Variants in TM4SF19 observed in about 807,000 individuals in gnomAD.
TM4SF19 encodes transmembrane 4 L six family member 19.
TM4SF19 carries 17 observed loss-of-function variants against 21.8 expected under a neutral mutation model. The ratio of observed to expected loss-of-function variants is 0.78; its 90% CI spans 0.53 to 1.17. The LOEUF is 1.17. Ranked by LOEUF, TM4SF19 falls within the 50% of genes most tolerant of loss-of-function variation. TM4SF19 has a pLI of 0.00. For synonymous variants in TM4SF19, 107 were observed against 106.7 expected (o/e 1.00, Z -0.02); for missense variants, 216 against 252.1 (o/e 0.86, Z 0.97).
intron 4 of TM4SF19, 22 bp downstream of exon 4, chr3:196,324,249 G>T (rs1446039312): frequency 6.2e-7 from 1 of 1,612,126 alleles, no homozygotes; most frequent in South Asian, 1.1e-5. Context: ...AAAAGACCAA[G>T]CCCAAGCCTC....
intron 1 of TM4SF19, among the ~76,000 whole-genome samples, chr3:196,334,025 C>T (rs1220087856): frequency 2.0e-5 from 3 of 151,812 alleles, no homozygotes; most frequent in African/African-American, 7.3e-5. Context: ...CGCACCACTG[C>T]ACTCCAGCCT....
At chr3:196,332,919 CATT>C (rs570744569) in intron 1 of TM4SF19, among the ~76,000 whole-genome samples, 202 of 140,536 alleles carry the variant, frequency 1.4e-3, no homozygotes, top group African/African-American at 3.9e-3. Context: ...GTAGCACAAT[CATT>C]GTTCACTGCA....
At chr3:196,333,390 C>G (rs138546425) in intron 1 of TM4SF19, among the ~76,000 whole-genome samples, 1,561 of 152,190 alleles carry the variant, frequency 0.01, 12 homozygotes, top group Middle Eastern at 0.024. Flanking sequence ...AAGAAGTTCG[C>G]AACAATAATA....
chr3:196,330,954 T>TA (rs370492524), intron 1 of TM4SF19, among the ~76,000 whole-genome samples: 6 of 152,300 alleles, frequency 3.9e-5, no homozygotes, highest in African/African-American at 1.2e-4. Context: ...TTTTCATTGA[T>TA]ATGTGAACTT....
At position 196,327,514 on chromosome 3, in the gene TM4SF19, G is replaced by A. The variant is rs886126905; in HGVS notation, c.77C>T (p.Ala26Val). The part of the protein sequence containing the change: ...RILGLSLGTA[A>V]LFAAGANVAL... The stretch of plus-strand genomic sequence containing the variant: ...CACGTTGGCCCCAGCAGCAAACAGG[G>A]CTGCAGTCCCAAGGCTCAGTCCCAG... Residue 26 changes from alanine (A) to valine (V), a missense_variant, in exon 2 of 5, where the codon GCC becomes GTC. Coordinates refer to ENST00000273695, the MANE Select transcript of TM4SF19 (RefSeq NM_138461.4). The A allele has an allele frequency of 1.2e-6, 2 of 1,614,126 alleles. No individual in the cohort carries two copies. The highest frequency in any genetic ancestry group is 1.7e-6 in the Non-Finnish European group (2 of 1,180,044).
rs377594314 is a variant in TM4SF19 at position 196,324,735 on chromosome 3, T to C, written c.280-295A>G. On this transcript the variant is annotated intron_variant, in intron 3 of 4. Transcript: ENST00000273695. Reference sequence around the variant, plus strand: ...GGATCTCCCTGACCGTGAGTTCGCCTGAGCTGCTCAGCAGCTTGGCATCAC... The same window carrying C: ...GGATCTCCCTGACCGTGAGTTCGCCCGAGCTGCTCAGCAGCTTGGCATCAC... 3.7e-4 allele frequency: 139 copies of C among 378,278 alleles called. 1 individual carries two copies. The East Asian group carries it at 6.1e-3, about 17-fold the overall frequency. 23.4% of individuals were successfully genotyped at this position (378,278 alleles called of 1,614,324 possible).
At position 196,327,595 on chromosome 3, in the gene TM4SF19, G is replaced by A. The variant is rs751427015; in HGVS notation, c.-1-4C>T. On this transcript the variant is annotated splice_polypyrimidine_tract_variant and splice_region_variant and intron_variant, in intron 1 of 4. Transcript: ENST00000273695. Reference sequence around the variant, plus strand: ...CGTGCAGGGAGAGGACACCATCCTGGAACAGATAGAAAGGGAGTCGCAGCA... The same window carrying A: ...CGTGCAGGGAGAGGACACCATCCTGAAACAGATAGAAAGGGAGTCGCAGCA... The A allele has an allele frequency of 3.7e-6, 6 of 1,612,854 alleles. No individual in the cohort carries two copies. The South Asian group carries it at 6.6e-5, about 18-fold the overall frequency.
chr3:196,332,499 GAA>G (rs201519946), intron 1 of TM4SF19, among the ~76,000 whole-genome samples: 4 of 138,956 alleles, frequency 2.9e-5, no homozygotes, highest in Admixed American at 1.5e-4. Context: ...GGGAAGGGAA[GAA>G]AAAAAATATA....
At position 196,333,721 on chromosome 3, in the gene TM4SF19, A is replaced by G. The variant is rs546674945; in HGVS notation, c.-2+4543T>C. On this transcript the variant is annotated intron_variant, in intron 1 of 4. Coordinates refer to ENST00000273695, the MANE Select transcript of TM4SF19 (RefSeq NM_138461.4). ...CACAATAGACACGGAACAAGCCTGT[A>G]TATGTATCCCCGGATCTAAAATAAA... is the stretch of plus-strand genomic sequence containing the variant. Among the ~76,000 whole-genome samples the G allele has an allele frequency of 1.3e-4, 20 of 152,348 alleles. No individual in the cohort carries two copies. In the Middle Eastern group the frequency reaches 0.01, roughly 78 times the overall value.
intron 1 of TM4SF19, among the ~76,000 whole-genome samples, chr3:196,337,154 C>A (rs1186013448): frequency 1.4e-5 from 2 of 146,788 alleles, no homozygotes; most frequent in Non-Finnish European, 3.0e-5. Flanking sequence ...CTCCGCCTCT[C>A]GGGTTCAAGT....
intron 1 of TM4SF19, among the ~76,000 whole-genome samples, chr3:196,337,018 C>G (rs543771664): frequency 7.0e-6 from 1 of 143,516 alleles, no homozygotes; most frequent in African/African-American, 2.6e-5. Flanking sequence ...AGCTTAAAGT[C>G]TAGTGGGGAC....
Position 196,326,950 on chromosome 3 carries a change from C to T in TM4SF19, c.279+5G>A, listed in dbSNP as rs760162282. Reference sequence around the variant, plus strand: ...GGTGTTAGAAGAGTGGAATCTGGTGCTTACGCTTCGACAGAGCCCACTCTT... The same window carrying T: ...GGTGTTAGAAGAGTGGAATCTGGTGTTTACGCTTCGACAGAGCCCACTCTT... On this transcript the variant is annotated splice_donor_5th_base_variant and intron_variant, in intron 3 of 4. Coordinates refer to ENST00000273695, the MANE Select transcript of TM4SF19 (RefSeq NM_138461.4). 9 of 1,606,222 alleles carry T rather than the reference C, an allele frequency of 5.6e-6. No individual in the cohort carries two copies. Among genetic ancestry groups the T allele is most frequent in the Non-Finnish European group, 7.7e-6 (9 of 1,173,570 alleles).
At chr3:196,331,240 C>T (rs924187440) in intron 1 of TM4SF19, among the ~76,000 whole-genome samples, 6 of 151,402 alleles carry the variant, frequency 4.0e-5, no homozygotes, top group Non-Finnish European at 8.8e-5. Flanking sequence ...CGTGCCATTG[C>T]ACTCCAGCCC....
intron 1 of TM4SF19, among the ~76,000 whole-genome samples, chr3:196,329,156 A>G: frequency 8.0e-6 from 1 of 125,290 alleles, no homozygotes; most frequent in Non-Finnish European, 1.8e-5. Context: ...GTTAGCCAGG[A>G]CGGTCTTGAT....
chr3:196,323,615 T>C lies in TM4SF19; in HGVS notation c.*202A>G. 1 of 965,620 alleles carries C rather than the reference T, an allele frequency of 1.0e-6. No individual in the cohort carries two copies. Among genetic ancestry groups the C allele is most frequent in the Non-Finnish European group, 1.5e-6 (1 of 663,478 alleles). 59.8% of individuals were successfully genotyped at this position (965,620 alleles called of 1,614,324 possible). On this transcript the variant is annotated 3_prime_UTR_variant, in exon 5 of 5. Transcript: ENST00000273695. Reference sequence around the variant, plus strand: ...TATAATAACTTAGTTATTTATCCTATCCATGGATCACCTGGAAGTTTACAA... The same window carrying C: ...TATAATAACTTAGTTATTTATCCTACCCATGGATCACCTGGAAGTTTACAA...
rs1276978004 is a variant in TM4SF19, at chr3:196,324,533, G to A, written c.280-93C>T. The A allele has an allele frequency of 2.8e-5, 38 of 1,355,678 alleles. No homozygotes were observed. The Admixed American group carries it at 7.6e-4, about 27-fold the overall frequency. 84.0% of individuals were successfully genotyped at this position (1,355,678 alleles called of 1,614,324 possible). A position where few individuals can be genotyped will look rare whatever the true frequency, so the allele number is the denominator to read the frequency against. On this transcript the variant is annotated intron_variant, in intron 3 of 4. Coordinates refer to ENST00000273695, the MANE Select transcript of TM4SF19 (RefSeq NM_138461.4). ...AACGCTGAGCTAAGACGGGGTCGCA[G>A]CTGGGGAGTCTGTGGGGCGGTCTGC...
chr3:196,336,939 C>G (rs1381126026), intron 1 of TM4SF19, among the ~76,000 whole-genome samples: 2 of 151,940 alleles, frequency 1.3e-5, no homozygotes, highest in African/African-American at 4.8e-5. Flanking sequence ...ATTAAGTGAT[C>G]ACTACCTGAC....
rs758571425 is a variant in TM4SF19, at chr3:196,324,262, C to A, written c.449+9G>T. 8 of 1,613,462 alleles carry A rather than the reference C, an allele frequency of 5.0e-6. No homozygotes were observed. In the Middle Eastern group the frequency reaches 4.9e-4, roughly 99 times the overall value. On this transcript the variant is annotated intron_variant, in intron 4 of 4. Transcript: ENST00000273695. ...TGAAAAGACCAAGCCCAAGCCTCCA[C>A]CCATTTACCTACTATGCAGGTCTTT... is the stretch of plus-strand genomic sequence containing the variant.
intron 1 of TM4SF19, among the ~76,000 whole-genome samples, chr3:196,328,167 G>T (rs1459184600): frequency 1.3e-5 from 2 of 152,156 alleles, no homozygotes; most frequent in Non-Finnish European, 2.9e-5. Flanking sequence ...GGGCACGGTG[G>T]TGGGTGCCTG....
Sources: gnomAD v4.1 joint callset for allele counts (sites outside exome capture counted in the v4.1 genomes callset) on GRCh38, gnomAD v4.1.1 for gene constraint, MANE v1.5 for transcripts, NCBI Gene and HGNC (gene_info 2026-07-23, HGNC 2026-07-21) for gene names.